The following NR2C2 variants were observed in gnomAD, a reference collection of about 807,000 sequenced individuals.
NR2C2 encodes nuclear receptor subfamily 2 group C member 2.
Under a neutral mutation model 62.9 loss-of-function variants are expected in NR2C2, and 6 were observed. That is an observed-to-expected ratio of 0.10 (90% CI 0.05 to 0.19). The LOEUF is 0.19. NR2C2 is among the 10% of genes least tolerant of loss of function. The pLI, the probability that NR2C2 is intolerant of heterozygous loss-of-function variation, is 1.00. For missense variants in NR2C2, 479 were observed against 762.7 expected, an observed-to-expected ratio of 0.63 and a Z score of 4.38; for synonymous variants, 272 against 273.8, an observed-to-expected ratio of 0.99 and a Z score of 0.07.
intron 1 of NR2C2, among the ~76,000 whole-genome samples, chr3:14,968,957 G>C (rs1046619506): frequency 2.1e-5 from 3 of 145,582 alleles, no homozygotes; most frequent in Non-Finnish European, 4.5e-5. Context: ...GACACAGGAA[G>C]GGGGAACATC....
chr3:14,969,043 G>A (rs1299465566), intron 1 of NR2C2, among the ~76,000 whole-genome samples: 2 of 146,388 alleles, frequency 1.4e-5, no homozygotes, highest in African/African-American at 2.5e-5. Context: ...GCTAGATGAC[G>A]AGTTAGTGGG....
intron 13 of NR2C2, among the ~76,000 whole-genome samples, chr3:15,042,052 A>AG (rs1328596960): frequency 1.3e-5 from 2 of 152,156 alleles, no homozygotes; most frequent in Non-Finnish European, 2.9e-5. Context: ...GCTAATGAAA[A>AG]GGTAGGGTGT....
rs1206202745 is a variant in NR2C2 at position 15,042,930 on chromosome 3, G to A, written c.1713G>A (p.Ser571=). The change falls in exon 14 of 14, where the codon TCG becomes TCA. Residue 571 remains serine (S), a synonymous_variant. Transcript: ENST00000425241. ...LFFTGLIGNV[S]IDSIIPYILK... is the part of the protein sequence containing the mutation. ...TTACTGGTCTCATTGGCAATGTTTC[G>A]ATAGACAGCATAATCCCCTACATCC... The A allele has an allele frequency of 4.3e-6, 7 of 1,613,956 alleles. No individual in the cohort carries two copies. The highest frequency in any genetic ancestry group is 1.7e-5 in the Admixed American group (1 of 59,990).
In NR2C2 at chr3:14,995,355, C is replaced by G. The variant is rs887160392; in HGVS notation, c.-39-8521C>G. On this transcript the variant is annotated intron_variant, in intron 1 of 13. Coordinates refer to ENST00000425241, the MANE Select transcript of NR2C2 (RefSeq NM_001291694.2). ...AAAAAAAACCCCACACTCCTTAGCT[C>G]TCACCCCCCAGCCCTAGGCAACTGC... Among the ~76,000 whole-genome samples, 35 of 149,068 alleles carry G rather than the reference C, an allele frequency of 2.3e-4. 4 individuals are homozygous for G. Among genetic ancestry groups the G allele is most frequent in the South Asian group, 2.1e-3 (10 of 4,728 alleles).
At chr3:14,959,928 G>T (rs1057065939) in intron 1 of NR2C2, among the ~76,000 whole-genome samples, 2 of 152,164 alleles carry the variant, frequency 1.3e-5, no homozygotes, top group African/African-American at 4.8e-5. Context: ...GAAAAGGATA[G>T]ATTTTCCCCA....
intron 4 of NR2C2, among the ~76,000 whole-genome samples, chr3:15,020,210 C>G (rs889590509): frequency 6.6e-6 from 1 of 152,208 alleles, no homozygotes; most frequent in Non-Finnish European, 1.5e-5. Flanking sequence ...AGTCCCCATG[C>G]TTCTCCCTGT....
At chr3:14,964,198 T>C (rs1441501627) in intron 1 of NR2C2, among the ~76,000 whole-genome samples, 1 of 152,190 alleles carries the variant, frequency 6.6e-6, no homozygotes, top group African/African-American at 2.4e-5. Flanking sequence ...AAATCAAATT[T>C]CTAAATAAAG....
chr3:15,006,525 A>G (rs968622724), intron 2 of NR2C2, among the ~76,000 whole-genome samples: 1 of 152,084 alleles, frequency 6.6e-6, no homozygotes, highest in Admixed American at 6.5e-5. Flanking sequence ...TAGTATAGGA[A>G]ATCTGAAGAG....
At chr3:15,021,453 T>C (rs2041666482) in intron 5 of NR2C2, among the ~76,000 whole-genome samples, 1 of 152,174 alleles carries the variant, frequency 6.6e-6, no homozygotes, top group African/African-American at 2.4e-5. Context: ...CTCCTGGATG[T>C]GTGGGGCAGC....
intron 13 of NR2C2, among the ~76,000 whole-genome samples, chr3:15,040,592 A>T (rs567142219): frequency 1.3e-5 from 2 of 152,322 alleles, no homozygotes; most frequent in South Asian, 2.1e-4. Context: ...TAAAACCAGG[A>T]CAGTCCCAGT....
intron 4 of NR2C2, among the ~76,000 whole-genome samples, chr3:15,019,078 T>C (rs1291637661): frequency 2.1e-5 from 3 of 142,594 alleles, no homozygotes; most frequent in African/African-American, 7.9e-5. Context: ...ATAAAAAAAT[T>C]AGCCTAGTGT....
chr3:14,960,556 T>C (rs1559528578), intron 1 of NR2C2, among the ~76,000 whole-genome samples: 2 of 152,234 alleles, frequency 1.3e-5, no homozygotes, highest in Non-Finnish European at 2.9e-5. Context: ...GGGAACCCAA[T>C]AGAAAGATAC....
chr3:15,028,425 G>C (rs34528140), intron 7 of NR2C2, among the ~76,000 whole-genome samples, 161 bp from the exon 8 acceptor site: 28,643 of 152,100 alleles, frequency 0.19, 2,777 homozygotes, highest in Middle Eastern at 0.22. Flanking sequence ...CCAAGATACA[G>C]AACTGTTAAA....
At chr3:15,038,253 T>C in intron 12 of NR2C2, 116 bp downstream of exon 12, 2 of 1,097,224 alleles carry the variant, frequency 1.8e-6, no homozygotes, top group South Asian at 1.8e-5. Flanking sequence ...GTATGTGACC[T>C]AGTGTTCTTA....
intron 11 of NR2C2, 151 bp downstream of exon 11, chr3:15,034,960 AC>A (rs1181641580): frequency 6.2e-6 from 5 of 803,554 alleles, no homozygotes; most frequent in Non-Finnish European, 9.6e-6. Context: ...TCAGTTTCCC[AC>A]AGCATCCATA....
chr3:14,984,387 A>G (rs541814640), intron 1 of NR2C2, among the ~76,000 whole-genome samples: 3 of 152,204 alleles, frequency 2.0e-5, no homozygotes, highest in South Asian at 4.1e-4. Flanking sequence ...TTTAGGATAG[A>G]TACTCAGCTT....
At chr3:14,996,383 T>C (rs1301045859) in intron 1 of NR2C2, among the ~76,000 whole-genome samples, 2 of 152,212 alleles carry the variant, frequency 1.3e-5, no homozygotes, top group African/African-American at 4.8e-5. Flanking sequence ...AAGACAGTTA[T>C]ATAGTTTTTA....
At chr3:15,009,285 T>C (rs1381401492) in intron 2 of NR2C2, among the ~76,000 whole-genome samples, 1 of 152,014 alleles carries the variant, frequency 6.6e-6, no homozygotes, top group Non-Finnish European at 1.5e-5. Context: ...TTTGTGGAGG[T>C]AGGTGTAGGG....
At chr3:14,952,414 C>G (rs576746081) in intron 1 of NR2C2, among the ~76,000 whole-genome samples, 4 of 152,282 alleles carry the variant, frequency 2.6e-5, no homozygotes, top group Non-Finnish European at 4.4e-5. Context: ...AAGCCATACG[C>G]TCCTTTAGTC....
Sources: allele counts gnomAD v4.1 joint callset (sites outside exome capture counted in the v4.1 genomes callset), GRCh38; gene constraint gnomAD v4.1.1; transcripts MANE v1.5; gene names NCBI Gene and HGNC (gene_info 2026-07-23, HGNC 2026-07-21).